The following NECAB1 variants were observed in gnomAD, a reference collection of about 807,000 sequenced individuals.
The protein encoded by NECAB1 is N-terminal EF-hand calcium-binding protein 1.
In NECAB1, 29 loss-of-function variants were observed where a neutral mutation model predicts 57.5. The observed-to-expected ratio is 0.50, with a 90% CI of 0.38 to 0.69. The LOEUF (loss-of-function observed/expected upper bound fraction) is 0.69, where lower values mean the gene tolerates loss of function less well. Ranked by LOEUF, NECAB1 falls within the 30% of genes least tolerant of loss-of-function variation. The pLI is 0.00. For missense variants in NECAB1, 372 were observed against 413.8 expected, an observed-to-expected ratio of 0.90 and a Z score of 0.88; for synonymous variants, 142 against 147.7, an observed-to-expected ratio of 0.96 and a Z score of 0.28.
intron 2 of NECAB1, among the ~76,000 whole-genome samples, chr8:90,816,523 T>C (rs1387725524): frequency 2.0e-5 from 3 of 151,910 alleles, no homozygotes; most frequent in Non-Finnish European, 4.4e-5. Flanking sequence ...GGTCTGTGTC[T>C]AGATTAAATT....
intron 2 of NECAB1, among the ~76,000 whole-genome samples, chr8:90,805,686 G>A (rs778898724): frequency 1.3e-4 from 20 of 151,358 alleles, no homozygotes; most frequent in South Asian, 6.3e-4. Flanking sequence ...AATGATACAT[G>A]GGTATTTATA....
intron 4 of NECAB1, among the ~76,000 whole-genome samples, chr8:90,878,000 C>T (rs1206442120): frequency 6.6e-6 from 1 of 152,032 alleles, no homozygotes; most frequent in Non-Finnish European, 1.5e-5. Context: ...TCCTATGAAG[C>T]CCTCTCTGAC....
intron 4 of NECAB1, among the ~76,000 whole-genome samples, chr8:90,879,062 T>TTATATATAATATAGATTATATATATTA (rs1808784997): frequency 7.1e-6 from 1 of 140,312 alleles, no homozygotes; most frequent in Non-Finnish European, 1.5e-5. Flanking sequence ...AATATATATC[T>TTATATATAATATAGATTATATATATTA]TATATATAAT....
chr8:90,859,920 C>CA (rs1812865953), intron 3 of NECAB1, among the ~76,000 whole-genome samples: 1 of 151,856 alleles, frequency 6.6e-6, no homozygotes. Context: ...ATTGCTGCAC[C>CA]AAAATGTTTA....
chr8:90,912,580 T>G (rs548950058), intron 5 of NECAB1, among the ~76,000 whole-genome samples: 2 of 152,354 alleles, frequency 1.3e-5, no homozygotes, highest in African/African-American at 4.8e-5. Flanking sequence ...ATCTGTAGTC[T>G]GAAATTATTT....
intron 2 of NECAB1, among the ~76,000 whole-genome samples, chr8:90,816,135 G>A (rs1026804962): frequency 6.6e-6 from 1 of 151,734 alleles, no homozygotes; most frequent in Non-Finnish European, 1.5e-5. Flanking sequence ...TCAAATGCTT[G>A]TTTGTCATCT....
At chr8:90,913,980 C>T (rs1219662660) in intron 5 of NECAB1, among the ~76,000 whole-genome samples, 1 of 152,188 alleles carries the variant, frequency 6.6e-6, no homozygotes, top group Non-Finnish European at 1.5e-5. Context: ...GTAATGTCTA[C>T]AACCAGCAAG....
intron 5 of NECAB1, among the ~76,000 whole-genome samples, chr8:90,883,926 CA>C (rs1808907164): frequency 6.6e-6 from 1 of 152,126 alleles, no homozygotes; most frequent in Non-Finnish European, 1.5e-5. Flanking sequence ...ATCTCAAAAG[CA>C]AATGTAGAAT....
intron 5 of NECAB1, among the ~76,000 whole-genome samples, chr8:90,900,383 C>T (rs1809472067): frequency 6.6e-6 from 1 of 152,164 alleles, no homozygotes; most frequent in Non-Finnish European, 1.5e-5. Context: ...TTTTCTTCTT[C>T]AACTCTAGAT....
At chr8:90,864,876 C>G (rs927498347) in intron 3 of NECAB1, among the ~76,000 whole-genome samples, 2 of 152,106 alleles carry the variant, frequency 1.3e-5, no homozygotes, top group Non-Finnish European at 2.9e-5. Context: ...AAGGAGTATT[C>G]TAACGGCCCC....
At chr8:90,932,937 CAAAAG>C (rs1446536831) in intron 8 of NECAB1, among the ~76,000 whole-genome samples, 1 of 151,780 alleles carries the variant, frequency 6.6e-6, no homozygotes, top group Non-Finnish European at 1.5e-5. Flanking sequence ...TCTTAATTCT[CAAAAG>C]AAGATATATA....
At chr8:90,915,815 G>A (rs923689155) in intron 5 of NECAB1, among the ~76,000 whole-genome samples, 1 of 152,192 alleles carries the variant, frequency 6.6e-6, no homozygotes, top group Non-Finnish European at 1.5e-5. Context: ...CAAACTACTG[G>A]TGTAAGTCCA....
At chr8:90,893,868 G>A (rs1199698048) in intron 5 of NECAB1, among the ~76,000 whole-genome samples, 1 of 151,478 alleles carries the variant, frequency 6.6e-6, no homozygotes, top group African/African-American at 2.4e-5. Context: ...TTTAATTATA[G>A]TCAACATCAA....
intron 5 of NECAB1, among the ~76,000 whole-genome samples, chr8:90,892,263 T>C (rs1280293389): frequency 2.8e-5 from 4 of 143,598 alleles, no homozygotes; most frequent in African/African-American, 1.2e-4. Flanking sequence ...GGTTAATACA[T>C]AGGTTTTTTC....
intron 5 of NECAB1, among the ~76,000 whole-genome samples, chr8:90,902,850 C>G (rs1484230247): frequency 1.3e-5 from 2 of 151,766 alleles, no homozygotes; most frequent in South Asian, 4.1e-4. Flanking sequence ...ATTATTCTAC[C>G]TAGTAATTTC....
rs987685252 is a variant in NECAB1 at position 90,791,798 on chromosome 8, C to T, written c.-89C>T. On this transcript the variant is annotated 5_prime_UTR_variant, in exon 1 of 13. Coordinates refer to ENST00000417640, the MANE Select transcript of NECAB1 (RefSeq NM_022351.5). ...CCCTCCCGGATCCAGAGCCCGGCGG[C>T]GGCGAAGCAGCAGCTGCGGCCGCGC... 39 of 1,040,176 alleles carry T rather than the reference C, an allele frequency of 3.7e-5. No individual in the cohort carries two copies. The highest frequency in any genetic ancestry group is 5.2e-5 in the Non-Finnish European group (37 of 708,488). 64.4% of individuals were successfully genotyped at this position (1,040,176 alleles called of 1,614,324 possible).
intron 5 of NECAB1, among the ~76,000 whole-genome samples, chr8:90,895,941 C>A (rs1809318306): frequency 6.6e-6 from 1 of 152,164 alleles, no homozygotes; most frequent in Non-Finnish European, 1.5e-5. Context: ...GAGCTGATGT[C>A]AGTAGGAGAA....
intron 6 of NECAB1, among the ~76,000 whole-genome samples, chr8:90,923,374 TAAC>T (rs755072862): frequency 6.7e-4 from 79 of 118,436 alleles, no homozygotes; most frequent in Non-Finnish European, 1.1e-3. Context: ...CCCAGAGTAC[TAAC>T]AACAGGGCTC....
chr8:90,905,089 CAA>C (rs10581640), intron 5 of NECAB1, among the ~76,000 whole-genome samples: 42,861 of 151,862 alleles, frequency 0.28, 6,791 homozygotes, highest in East Asian at 0.6. Context: ...AGTTGTATAT[CAA>C]AAGACAGCAC....
Sources: allele counts gnomAD v4.1 joint callset (sites outside exome capture counted in the v4.1 genomes callset), GRCh38; gene constraint gnomAD v4.1.1; transcripts MANE v1.5; gene names NCBI Gene and HGNC (gene_info 2026-07-23, HGNC 2026-07-21).